Variants in MTUS2 observed in about 807,000 individuals in gnomAD.
MTUS2 encodes the protein microtubule-associated tumor suppressor candidate 2.
MTUS2 carries 40 observed loss-of-function variants against 114.1 expected under a neutral mutation model. The ratio of observed to expected loss-of-function variants is 0.35; its 90% CI spans 0.27 to 0.46. The LOEUF (loss-of-function observed/expected upper bound fraction) is 0.46, where lower values mean the gene tolerates loss of function less well. MTUS2 is among the 20% of genes least tolerant of loss of function. The pLI, the probability that MTUS2 is intolerant of heterozygous loss-of-function variation, is 1.00. For missense variants in MTUS2, 1,679 were observed against 1,705.4 expected, an observed-to-expected ratio of 0.98 and a Z score of 0.27; for synonymous variants, 688 against 672.0, an observed-to-expected ratio of 1.02 and a Z score of -0.37.
At chr13:28,885,781 G>T (rs1878556501) in intron 2 of MTUS2, among the ~76,000 whole-genome samples, 1 of 152,148 alleles carries the variant, frequency 6.6e-6, no homozygotes, top group African/African-American at 2.4e-5. Flanking sequence ...ATTATCCCAG[G>T]CAATGTTTTA....
At chr13:29,167,288 T>C (rs1033493072) in intron 5 of MTUS2, among the ~76,000 whole-genome samples, 4 of 151,768 alleles carry the variant, frequency 2.6e-5, no homozygotes, top group African/African-American at 9.7e-5. Context: ...GGCAGGAGAA[T>C]GGCGTGAACC....
At chr13:29,373,937 G>C (rs1473977696) in intron 8 of MTUS2, among the ~76,000 whole-genome samples, 1 of 152,202 alleles carries the variant, frequency 6.6e-6, no homozygotes, top group Non-Finnish European at 1.5e-5. Flanking sequence ...GACAAAAAAT[G>C]TTAAAAGTAG....
chr13:28,882,240 G>T (rs1878334580), intron 2 of MTUS2, among the ~76,000 whole-genome samples: 1 of 151,996 alleles, frequency 6.6e-6, no homozygotes, highest in South Asian at 2.1e-4. Flanking sequence ...TATATTTTTA[G>T]TAGGGGCAGG....
chr13:28,849,902 C>G (rs924327285), intron 2 of MTUS2, among the ~76,000 whole-genome samples: 3 of 152,134 alleles, frequency 2.0e-5, no homozygotes, highest in Non-Finnish European at 2.9e-5. Context: ...CATAAAAAGT[C>G]TTTAACAATC....
chr13:29,419,767 AC>A (rs1875942526), intron 8 of MTUS2, among the ~76,000 whole-genome samples: 1 of 152,216 alleles, frequency 6.6e-6, no homozygotes, highest in African/African-American at 2.4e-5. Context: ...AGAAGTTCTT[AC>A]GTTATTTAGG....
chr13:29,171,864 A>AAG (rs778496218), intron 5 of MTUS2, among the ~76,000 whole-genome samples: 1 of 152,188 alleles, frequency 6.6e-6, no homozygotes, highest in Admixed American at 6.5e-5. Flanking sequence ...GTAGCCAAAG[A>AAG]AGAGCTAGTT....
intron 5 of MTUS2, among the ~76,000 whole-genome samples, chr13:29,255,345 T>A (rs1426782921): frequency 2.6e-5 from 4 of 152,172 alleles, no homozygotes; most frequent in Non-Finnish European, 5.9e-5. Context: ...TCCACTGGGA[T>A]TTTTTACAGC....
chr13:29,245,759 C>G (rs979256999), intron 5 of MTUS2, among the ~76,000 whole-genome samples: 2 of 147,832 alleles, frequency 1.4e-5, no homozygotes, highest in Non-Finnish European at 3.0e-5. Flanking sequence ...TGCAGTGGCA[C>G]GACCTCCGCT....
At chr13:29,193,885 C>T (rs1894553874) in intron 5 of MTUS2, among the ~76,000 whole-genome samples, 1 of 152,112 alleles carries the variant, frequency 6.6e-6, no homozygotes, top group South Asian at 2.1e-4. Context: ...GGTACTGGTA[C>T]AAAAACAGAG....
At position 29,259,426 on chromosome 13, in the gene MTUS2, C is replaced by T. The variant is rs529551669; in HGVS notation, c.2645-22278C>T. ...TCATAAAATTCAGAGGCAAAGAGAC[C>T]CACCTGTCTCTTCCCTGCTTAAGAC... On this transcript the variant is annotated intron_variant, in intron 5 of 15. Coordinates refer to ENST00000612955, the MANE Select transcript of MTUS2 (RefSeq NM_001033602.4). 1.2e-4 allele frequency among the ~76,000 whole-genome samples: 18 copies of T among 152,260 alleles called. No individual in the cohort carries two copies. The East Asian group carries it at 3.5e-3, about 29-fold the overall frequency.
rs372073635 is a variant in MTUS2, at chr13:29,335,424, T to C, written c.2905+10713T>C. Among the ~76,000 whole-genome samples, 66 of 152,334 alleles carry C rather than the reference T, an allele frequency of 4.3e-4. 1 individual carries two copies. Among genetic ancestry groups the C allele is most frequent in the African/African-American group, 1.5e-3 (62 of 41,576 alleles). ...TTCATTAGCAATTTTAATTTTACCC[T>C]GGTCCTGTGATCTTGCCCTGCCTCC... On this transcript the variant is annotated intron_variant, in intron 7 of 15. Transcript: ENST00000612955.
At chr13:28,938,907 A>G (rs1446969432) in intron 2 of MTUS2, among the ~76,000 whole-genome samples, 1 of 152,178 alleles carries the variant, frequency 6.6e-6, no homozygotes, top group Non-Finnish European at 1.5e-5. Flanking sequence ...TGCTTTTCAA[A>G]TGAACTCTCT....
intron 8 of MTUS2, among the ~76,000 whole-genome samples, chr13:29,369,648 A>G (rs1375273355): frequency 6.6e-6 from 1 of 152,246 alleles, no homozygotes; most frequent in Non-Finnish European, 1.5e-5. Flanking sequence ...TAACAGTAAA[A>G]GTGTATACCT....
At position 29,357,077 on chromosome 13, in the gene MTUS2, A is replaced by G. The variant is rs78111377; in HGVS notation, c.2906-2185A>G. On this transcript the variant is annotated intron_variant, in intron 7 of 15. Transcript: ENST00000612955. ...AATTTTGAATAGGTGAGTAAAAGCA[A>G]TATAATAATGACACCAATATCAAAG... is the stretch of plus-strand genomic sequence containing the variant. Among the ~76,000 whole-genome samples the G allele has an allele frequency of 1.4e-3, 219 of 152,344 alleles. 1 individual carries two copies. The highest frequency in any genetic ancestry group is 5.2e-3 in the African/African-American group (217 of 41,580).
intron 4 of MTUS2, among the ~76,000 whole-genome samples, chr13:29,058,818 G>T (rs1888272000): frequency 1.3e-5 from 2 of 150,568 alleles, no homozygotes; most frequent in South Asian, 4.2e-4. Flanking sequence ...GCGGTGTTTG[G>T]TTTTTTGTCC....
intron 8 of MTUS2, among the ~76,000 whole-genome samples, chr13:29,413,060 A>T (rs2138556754): frequency 6.6e-6 from 1 of 152,218 alleles, no homozygotes; most frequent in South Asian, 2.1e-4. Context: ...TTATAATTAC[A>T]TGGGGCCCTC....
At chr13:28,827,742 G>A (rs1264240480) in intron 1 of MTUS2, among the ~76,000 whole-genome samples, 1 of 152,144 alleles carries the variant, frequency 6.6e-6, no homozygotes, top group East Asian at 1.9e-4. Context: ...CAGGTTCCGT[G>A]ATGCCCCTCA....
chr13:29,436,098 T>C (rs1188099386), intron 8 of MTUS2, among the ~76,000 whole-genome samples: 2 of 152,200 alleles, frequency 1.3e-5, no homozygotes, highest in African/African-American at 4.8e-5. Flanking sequence ...CATTCTTTCA[T>C]TGAGACAGAG....
chr13:29,491,165 T>G (rs1033424994), intron 11 of MTUS2, among the ~76,000 whole-genome samples: 2 of 142,136 alleles, frequency 1.4e-5, no homozygotes, highest in African/African-American at 5.2e-5. Context: ...TTATGGGGAG[T>G]GTGTGGTGTG....
Sources: gnomAD v4.1 joint callset for allele counts (sites outside exome capture counted in the v4.1 genomes callset) on GRCh38, gnomAD v4.1.1 for gene constraint, MANE v1.5 for transcripts, NCBI Gene and HGNC (gene_info 2026-07-23, HGNC 2026-07-21) for gene names.